The following MAP4K4 variants were observed in gnomAD, a reference collection of about 807,000 sequenced individuals.
The protein encoded by MAP4K4 is mitogen-activated protein kinase kinase kinase kinase 4, also known as HPK/GCK-like kinase HGK.
A neutral mutation model predicts 189.6 loss-of-function variants in MAP4K4; 38 were observed. That is an observed-to-expected ratio of 0.20 (90% CI 0.15 to 0.26). MAP4K4 has a LOEUF of 0.26. Ranked by LOEUF, MAP4K4 falls within the 10% of genes least tolerant of loss-of-function variation. The pLI is 1.00. For synonymous variants in MAP4K4, 610 were observed against 624.3 expected (o/e 0.98, Z 0.34); for missense variants, 1,054 against 1,726.9 (o/e 0.61, Z 6.91).
At chr2:101,883,778 ATTGTCTTGT>A (rs1477121249) in intron 28 of MAP4K4, among the ~76,000 whole-genome samples, 2 of 151,956 alleles carry the variant, frequency 1.3e-5, no homozygotes, top group African/African-American at 4.8e-5. Context: ...CATGCTTGGC[ATTGTCTTGT>A]TGGTGTAGTT....
At chr2:101,789,212 A>C (rs2092395667) in intron 2 of MAP4K4, among the ~76,000 whole-genome samples, 1 of 152,246 alleles carries the variant, frequency 6.6e-6, no homozygotes, top group South Asian at 2.1e-4. Context: ...TTGTACGCTT[A>C]TGTGGAAAGT....
chr2:101,854,884 T>G (rs1000221933), intron 12 of MAP4K4, among the ~76,000 whole-genome samples: 12 of 152,142 alleles, frequency 7.9e-5, no homozygotes, highest in African/African-American at 2.9e-4. Flanking sequence ...ACTAGCCACA[T>G]TTGGCCATTT....
intron 1 of MAP4K4, 65 bp downstream of exon 1, chr2:101,698,202 C>T (rs2035539978): frequency 3.4e-6 from 2 of 580,056 alleles, no homozygotes; most frequent in Non-Finnish European, 4.4e-6. Flanking sequence ...CGGGGCCGCG[C>T]CCAGGTCGGC....
chr2:101,749,694 A>C (rs879733878), intron 2 of MAP4K4, among the ~76,000 whole-genome samples: 117 of 148,660 alleles, frequency 7.9e-4, no homozygotes, highest in African/African-American at 2.9e-3. Flanking sequence ...TCTGCACAGC[A>C]AAAGAAACTA....
rs773979382 is a variant in MAP4K4, at chr2:101,891,256, T to C, written c.*7T>C. ...TTCTCTTCTGAGCTGGTAGAAGCAG[T>C]GTGATCCAGGGATTACTGGCCTCCA... is the stretch of plus-strand genomic sequence containing the variant. On this transcript the variant is annotated 3_prime_UTR_variant, in exon 33 of 33. Transcript: ENST00000324219. 6 of 1,612,036 alleles carry C rather than the reference T, an allele frequency of 3.7e-6. No homozygotes were observed. In the African/African-American group the frequency reaches 6.7e-5, roughly 18 times the overall value.
At chr2:101,706,556 G>A (rs2042416484) in intron 2 of MAP4K4, among the ~76,000 whole-genome samples, 1 of 152,080 alleles carries the variant, frequency 6.6e-6, no homozygotes, top group East Asian at 1.9e-4. Context: ...TATAACAAAT[G>A]CCTAACAAAG....
chr2:101,836,029 T>A (rs2096739555), intron 9 of MAP4K4, 51 bp downstream of exon 9: 2 of 1,339,568 alleles, frequency 1.5e-6, no homozygotes, highest in Non-Finnish European at 2.1e-6. Context: ...TTTAAATTGC[T>A]TCTTTTTAGT....
exon 1 of MAP4K4, chr2:101,697,950 C>A: frequency 3.0e-6 from 1 of 338,948 alleles, no homozygotes; most frequent in Non-Finnish European, 4.7e-6. Context: ...CGCCCGCGGC[C>A]CCGCGAGGAG....
chr2:101,738,443 C>G (rs541766379), intron 2 of MAP4K4, among the ~76,000 whole-genome samples: 145 of 152,032 alleles, frequency 9.5e-4, no homozygotes, highest in African/African-American at 3.4e-3. Context: ...AGTAGGATGC[C>G]TTTTTAAATT....
At chr2:101,742,366 G>C (rs999830508) in intron 2 of MAP4K4, among the ~76,000 whole-genome samples, 1 of 152,104 alleles carries the variant, frequency 6.6e-6, no homozygotes, top group African/African-American at 2.4e-5. Context: ...TGGCCTCTTA[G>C]GACTGGCGCT....
At chr2:101,703,265 A>C (rs367882834) in intron 2 of MAP4K4, among the ~76,000 whole-genome samples, 1 of 152,012 alleles carries the variant, frequency 6.6e-6, no homozygotes, top group Admixed American at 6.6e-5. Context: ...ACTCTTTGCT[A>C]GGTTTAACAT....
chr2:101,874,801 A>G (rs1431343155), intron 26 of MAP4K4, among the ~76,000 whole-genome samples: 4 of 152,254 alleles, frequency 2.6e-5, no homozygotes, highest in Non-Finnish European at 4.4e-5. Flanking sequence ...CAACTGTACA[A>G]TTATACAACT....
chr2:101,812,992 G>A (rs191785822), intron 3 of MAP4K4, among the ~76,000 whole-genome samples: 58 of 152,236 alleles, frequency 3.8e-4, no homozygotes, highest in African/African-American at 1.3e-3. Flanking sequence ...AGCTGGGCAC[G>A]GTGGCGGGTG....
chr2:101,808,976 G>T (rs906680984), intron 3 of MAP4K4, among the ~76,000 whole-genome samples: 3 of 152,082 alleles, frequency 2.0e-5, no homozygotes, highest in African/African-American at 7.3e-5. Context: ...ATTTCTTATG[G>T]CTGCCAGTCA....
intron 12 of MAP4K4, among the ~76,000 whole-genome samples, chr2:101,854,253 G>T (rs775370583): frequency 3.3e-5 from 5 of 152,120 alleles, no homozygotes; most frequent in African/African-American, 9.7e-5. Flanking sequence ...ATAGAAACCC[G>T]GTGGAACAAA....
chr2:101,709,201 A>G (rs969197695), intron 2 of MAP4K4, among the ~76,000 whole-genome samples: 2 of 151,776 alleles, frequency 1.3e-5, no homozygotes, highest in Non-Finnish European at 2.9e-5. Context: ...CATTACTGTG[A>G]GTTTATTTAT....
intron 2 of MAP4K4, among the ~76,000 whole-genome samples, chr2:101,744,847 G>C (rs1287221517): frequency 6.6e-6 from 1 of 152,094 alleles, no homozygotes; most frequent in Non-Finnish European, 1.5e-5. Context: ...TTTAATAAAG[G>C]CTGGAAATGA....
At chr2:101,851,625 A>C (rs2097285876) in intron 12 of MAP4K4, among the ~76,000 whole-genome samples, 1 of 147,144 alleles carries the variant, frequency 6.8e-6, no homozygotes. Context: ...TTCTGAATGT[A>C]GTGGTTTTTA....
At chr2:101,698,563 T>G (rs770988754) in intron 2 of MAP4K4, 25 bp downstream of exon 2, 1 of 1,608,710 alleles carries the variant, frequency 6.2e-7, no homozygotes, top group Admixed American at 1.7e-5. Context: ...CTTCTTTGTT[T>G]CCCGTGGCAT....
Sources: allele counts gnomAD v4.1 joint callset (sites outside exome capture counted in the v4.1 genomes callset), GRCh38; gene constraint gnomAD v4.1.1; transcripts MANE v1.5; gene names NCBI Gene and HGNC (gene_info 2026-07-23, HGNC 2026-07-21).